The following PCDHA10 variants were observed in gnomAD, a reference collection of about 807,000 sequenced individuals.
PCDHA10 encodes the protein protocadherin alpha-10.
PCDHA10 carries 45 observed loss-of-function variants against 61.2 expected under a neutral mutation model. The observed-to-expected ratio is 0.74, with a 90% CI of 0.58 to 0.94. The LOEUF is 0.94. Ranked by LOEUF, PCDHA10 falls within the 40% of genes least tolerant of loss-of-function variation. The pLI is 0.00. For missense variants in PCDHA10, 1,278 were observed against 1,236.2 expected (o/e 1.03, Z -0.51); for synonymous variants, 602 against 548.8 (o/e 1.10, Z -1.35).
rs943373745 is a variant in PCDHA10 at position 140,935,260 on chromosome 5, G to A, written c.2389-43689G>A. Among the ~76,000 whole-genome samples the A allele has an allele frequency of 3.3e-5, 5 of 152,168 alleles. No individual in the cohort carries two copies. In the South Asian group the frequency reaches 8.3e-4, roughly 25 times the overall value. On this transcript the variant is annotated intron_variant, in intron 1 of 3. Transcript: ENST00000307360. ...TTTTAAAAGATAAAATACATCACAT[G>A]TTTATACTAATCTAATAAAGTTCAG... is the stretch of plus-strand genomic sequence containing the variant.
At chr5:140,910,959 A>C (rs1188143214) in intron 1 of PCDHA10, among the ~76,000 whole-genome samples, 1 of 151,944 alleles carries the variant, frequency 6.6e-6, no homozygotes, top group African/African-American at 2.4e-5. Flanking sequence ...CGAGTGTAGC[A>C]CACCTCCTCA....
intron 1 of PCDHA10, among the ~76,000 whole-genome samples, chr5:140,924,539 C>T (rs1554201995): frequency 6.6e-6 from 1 of 152,050 alleles, no homozygotes; most frequent in African/African-American, 2.4e-5. Flanking sequence ...CCGAGCTACC[C>T]CTCTCCCCAC....
At position 140,932,218 on chromosome 5, in the gene PCDHA10, T is replaced by G. The variant is rs556134668; in HGVS notation, c.2389-46731T>G. ...TCTGTTAATATTCTTGATGGGCAATTTAAATTTTTTAGAATGGTATCTAAG... is the reference window on the plus strand; with the variant it reads ...TCTGTTAATATTCTTGATGGGCAATGTAAATTTTTTAGAATGGTATCTAAG... On this transcript the variant is annotated intron_variant, in intron 1 of 3. Coordinates refer to ENST00000307360, the MANE Select transcript of PCDHA10 (RefSeq NM_018901.4). Among the ~76,000 whole-genome samples, 20 of 152,034 alleles carry G rather than the reference T, an allele frequency of 1.3e-4. 1 individual carries two copies. Among genetic ancestry groups the G allele is most frequent in the Middle Eastern group, 3.4e-3 (1 of 292 alleles).
rs1554231011 is a variant in PCDHA10 at position 140,968,738 on chromosome 5, C to G, written c.2389-10211C>G. 10 of 1,614,040 alleles carry G rather than the reference C, an allele frequency of 6.2e-6. No individual in the cohort carries two copies. The Admixed American group carries it at 6.7e-5, about 11-fold the overall frequency. On this transcript the variant is annotated intron_variant, in intron 1 of 3. Transcript: ENST00000307360. ...AGATGAGAGTGGTAGCACTTTCAAC[C>G]TGACCGTGGTGGTCCGAGATAATGG...
chr5:140,876,034 A>G, intron 1 of PCDHA10: 1 of 1,613,792 alleles, frequency 6.2e-7, no homozygotes, highest in Admixed American at 1.7e-5. Flanking sequence ...AAAAAAAGAT[A>G]AAAGTATATT....
chr5:140,923,665 C>T (rs369836298), intron 1 of PCDHA10, among the ~76,000 whole-genome samples: 77 of 152,288 alleles, frequency 5.1e-4, no homozygotes, highest in African/African-American at 1.6e-3. Flanking sequence ...TTTGGGATAT[C>T]GTTCTCTCTT....
intron 1 of PCDHA10, chr5:140,861,630 G>A (rs2047000934): frequency 6.3e-6 from 2 of 317,346 alleles, no homozygotes; most frequent in Admixed American, 6.9e-5. Flanking sequence ...AGTGTTCTCA[G>A]CAACACAAAA....
intron 1 of PCDHA10, among the ~76,000 whole-genome samples, chr5:140,944,151 A>G (rs2093615419): frequency 6.6e-6 from 1 of 152,070 alleles, no homozygotes; most frequent in African/African-American, 2.4e-5. Flanking sequence ...GAAGAGTTGA[A>G]AATTAAAGGG....
intron 2 of PCDHA10, 83 bp from the exon 3 acceptor site, chr5:140,982,392 T>C: frequency 6.3e-7 from 1 of 1,598,158 alleles, no homozygotes. Context: ...GGCTTCATAG[T>C]TGTAAGCAAT....
At chr5:140,915,840 G>A (rs1554197129) in intron 1 of PCDHA10, among the ~76,000 whole-genome samples, 1 of 152,142 alleles carries the variant, frequency 6.6e-6, no homozygotes, top group Admixed American at 6.5e-5. Context: ...AGATCAGCAG[G>A]GGGTGACACC....
intron 1 of PCDHA10, among the ~76,000 whole-genome samples, chr5:140,978,584 C>G (rs2096810786): frequency 6.6e-6 from 1 of 152,186 alleles, no homozygotes; most frequent in African/African-American, 2.4e-5. Flanking sequence ...TGGGAATGTT[C>G]CCTTAATGGG....
At chr5:140,947,601 A>G (rs1296948194) in intron 1 of PCDHA10, among the ~76,000 whole-genome samples, 1 of 151,680 alleles carries the variant, frequency 6.6e-6, no homozygotes, top group Non-Finnish European at 1.5e-5. Context: ...TTTAGGGAAG[A>G]TTTGGTATCT....
At chr5:140,967,820 C>A (rs1162525542) in intron 1 of PCDHA10, 29 of 1,614,052 alleles carry the variant, frequency 1.8e-5, no homozygotes, top group Non-Finnish European at 2.5e-5. Context: ...CTGCAAGGTG[C>A]TGGTGGACAT....
At chr5:140,952,380 G>A (rs246035) in intron 1 of PCDHA10, among the ~76,000 whole-genome samples, 85,175 of 151,100 alleles carry the variant, frequency 0.56, 24,638 homozygotes, top group African/African-American at 0.69. Flanking sequence ...CCTCTGCCAG[G>A]TACCCTAAAC....
intron 1 of PCDHA10, among the ~76,000 whole-genome samples, chr5:140,932,462 A>G (rs549858141): frequency 6.6e-6 from 1 of 152,022 alleles, no homozygotes; most frequent in African/African-American, 2.4e-5. Flanking sequence ...GCCAGGGTAT[A>G]TAGGAAATAG....
chr5:140,897,509 G>T (rs2153456975), intron 1 of PCDHA10, among the ~76,000 whole-genome samples: 1 of 152,062 alleles, frequency 6.6e-6, no homozygotes, highest in East Asian at 1.9e-4. Context: ...CCCTACAAAG[G>T]ACATGAACTC....
At chr5:140,866,804 C>A (rs1157058668) in intron 1 of PCDHA10, 3 of 152,118 alleles carry the variant, frequency 2.0e-5, no homozygotes, top group Non-Finnish European at 4.4e-5. Flanking sequence ...AAGTCAGGCA[C>A]AAAGTTCCTT....
chr5:140,877,767 C>T, intron 1 of PCDHA10: 1 of 1,614,166 alleles, frequency 6.2e-7, no homozygotes, highest in Non-Finnish European at 8.5e-7. Context: ...AGAGCCCGCC[C>T]AAGACGGACC....
intron 1 of PCDHA10, among the ~76,000 whole-genome samples, chr5:140,974,181 A>G (rs1361812242): frequency 3.9e-5 from 6 of 152,226 alleles, no homozygotes; most frequent in Non-Finnish European, 8.8e-5. Context: ...TAACTTGACA[A>G]ATGCAAAGGA....
Sources: gnomAD v4.1 joint callset for allele counts (sites outside exome capture counted in the v4.1 genomes callset) on GRCh38, gnomAD v4.1.1 for gene constraint, MANE v1.5 for transcripts, NCBI Gene and HGNC (gene_info 2026-07-23, HGNC 2026-07-21) for gene names.